The following CASK variants were observed in gnomAD, a reference collection of about 807,000 sequenced individuals.
CASK encodes calcium/calmodulin dependent serine protein kinase, also known as peripheral plasma membrane protein CASK.
A neutral mutation model predicts 82.9 loss-of-function variants in CASK; 4 were observed. The ratio of observed to expected loss-of-function variants is 0.05; its 90% confidence interval spans 0.02 to 0.11. The LOEUF is 0.11. Among genes scored for constraint, CASK ranks in the 10% least tolerant of loss-of-function variants. The probability of loss-of-function intolerance (pLI) is 1.00; values close to 1 mark genes in which losing one functional copy is unlikely to be tolerated. For synonymous variants in CASK, 259 were observed against 253.5 expected (o/e 1.02, Z -0.20); for missense variants, 358 against 720.9 (o/e 0.50, Z 5.76).
At chrX:41,905,662 G>A (rs2072458516) in intron 1 of CASK, among the ~76,000 whole-genome samples, 2 of 112,953 alleles carry the variant, frequency 1.8e-5, no homozygotes, top group South Asian at 7.1e-4. Context: ...GCCTAAGGCT[G>A]GGTGGGACTA....
At chrX:41,565,639 C>T (rs1203008624) in intron 16 of CASK, among the ~76,000 whole-genome samples, 2 of 111,474 alleles carry the variant, frequency 1.8e-5, no homozygotes, top group African/African-American at 3.3e-5. Context: ...GGATTCACAG[C>T]CGAATTCTAC....
intron 1 of CASK, among the ~76,000 whole-genome samples, chrX:41,891,489 A>T (rs1011521918): frequency 8.9e-6 from 1 of 112,102 alleles, no homozygotes; most frequent in African/African-American, 3.2e-5. Flanking sequence ...GTTTCGAATC[A>T]ATTAGACTTA....
intron 5 of CASK, among the ~76,000 whole-genome samples, chrX:41,701,379 C>T (rs2067790247): frequency 1.8e-5 from 2 of 112,221 alleles, no homozygotes; most frequent in East Asian, 5.6e-4. Flanking sequence ...AAGTACAAAG[C>T]AGGAAAAATA....
chrX:41,806,100 C>T (rs2070118938), intron 2 of CASK, among the ~76,000 whole-genome samples: 1 of 111,320 alleles, frequency 9.0e-6, no homozygotes, highest in Non-Finnish European at 1.9e-5. Context: ...AGAACAGGAA[C>T]CTGTTATAAT....
intron 3 of CASK, among the ~76,000 whole-genome samples, chrX:41,771,862 C>T (rs1393993794): frequency 1.8e-5 from 2 of 110,457 alleles, no homozygotes; most frequent in Non-Finnish European, 3.8e-5. Context: ...ACTAAATGAT[C>T]CAAGTAAAAG....
At chrX:41,580,287 C>T (rs1386965334) in intron 14 of CASK, among the ~76,000 whole-genome samples, 1 of 111,684 alleles carries the variant, frequency 9.0e-6, no homozygotes, top group Non-Finnish European at 1.9e-5. Context: ...CTCAAGTGAA[C>T]CTTCTACCTC....
At chrX:41,853,408 A>G (rs1230939830) in intron 1 of CASK, among the ~76,000 whole-genome samples, 181 bp from the exon 2 acceptor site, 1 of 111,979 alleles carries the variant, frequency 8.9e-6, no homozygotes, top group African/African-American at 3.2e-5. Context: ...ATATTTTTCT[A>G]TAATTCATGA....
rs772175571 is a variant in CASK, at chrX:41,923,033, G to A, written c.-45C>T. The A allele has an allele frequency of 5.3e-6, 6 of 1,134,050 alleles. No individual in the cohort carries two copies. In the Admixed American group the frequency reaches 1.1e-4, roughly 21 times the overall value. 93.5% of individuals were successfully genotyped at this position (1,134,050 alleles called of 1,213,427 possible). On this transcript the variant is annotated 5_prime_UTR_variant, in exon 1 of 27. Transcript: ENST00000378163. ...CCGCAGCGTGGAGGGCTTCGAAAACGGGGGTGGGGGCGCCCAAGAGCTCAG... is the reference window on the plus strand; with the variant it reads ...CCGCAGCGTGGAGGGCTTCGAAAACAGGGGTGGGGGCGCCCAAGAGCTCAG...
chrX:41,662,620 G>A (rs1191528428), intron 7 of CASK, among the ~76,000 whole-genome samples: 4 of 109,375 alleles, frequency 3.7e-5, no homozygotes, highest in East Asian at 2.9e-4. Context: ...TGAAACCCCC[G>A]TCTCTACTAA....
In CASK at chrX:41,694,357, A is replaced by T. The variant is rs142819958; in HGVS notation, c.430-22827T>A. Among the ~76,000 whole-genome samples, 136 of 111,746 alleles carry T rather than the reference A, an allele frequency of 1.2e-3. 2 individuals carry two copies. The highest frequency in any genetic ancestry group is 4.3e-3 in the African/African-American group (133 of 30,752). ...ACCCTGCTAAGTGGCTGCTGTAGAG[A>T]AATAGGGCAGTCACTCTATGAGAGG... On this transcript the variant is annotated intron_variant, in intron 5 of 26. Coordinates refer to ENST00000378163, the MANE Select transcript of CASK (RefSeq NM_001367721.1).
intron 1 of CASK, among the ~76,000 whole-genome samples, chrX:41,861,137 CTATAA>C (rs1347441211): frequency 8.9e-6 from 1 of 111,974 alleles, no homozygotes; most frequent in African/African-American, 3.2e-5. Flanking sequence ...CTGAGTCTAA[CTATAA>C]TACACTCATC....
At chrX:41,780,408 G>A (rs1009802927) in intron 3 of CASK, among the ~76,000 whole-genome samples, 2 of 111,478 alleles carry the variant, frequency 1.8e-5, no homozygotes, top group Admixed American at 9.6e-5. Flanking sequence ...CCATTTTAAA[G>A]GTCAATCATC....
chrX:41,532,641 G>T (rs1182508800), intron 24 of CASK, among the ~76,000 whole-genome samples: 1 of 108,132 alleles, frequency 9.2e-6, no homozygotes, highest in African/African-American at 3.4e-5. Context: ...CTTTGAGAAA[G>T]AACAAATTTA....
intron 5 of CASK, among the ~76,000 whole-genome samples, chrX:41,722,899 G>GT (rs1444440710): frequency 8.9e-6 from 1 of 111,808 alleles, no homozygotes; most frequent in African/African-American, 3.2e-5. Context: ...AATTAAAACT[G>GT]TTTTTTGTTC....
chrX:41,626,206 CCA>C (rs992831746), intron 10 of CASK, among the ~76,000 whole-genome samples: 1 of 110,054 alleles, frequency 9.1e-6, no homozygotes, highest in Non-Finnish European at 1.9e-5. Flanking sequence ...GCAGTGCTGC[CCA>C]CAGTCTGATC....
chrX:41,840,965 T>G (rs1187351282), intron 2 of CASK, among the ~76,000 whole-genome samples: 1 of 112,285 alleles, frequency 8.9e-6, no homozygotes, highest in African/African-American at 3.2e-5. Flanking sequence ...ATTTGGTTTG[T>G]TTCCACATTT....
intron 8 of CASK, among the ~76,000 whole-genome samples, chrX:41,656,237 A>G (rs1040229280): frequency 6.2e-5 from 7 of 112,054 alleles, no homozygotes; most frequent in Non-Finnish European, 1.3e-4. Context: ...TCTGTCTGCC[A>G]GCAAAAGAGA....
At chrX:41,830,621 C>G (rs1330395821) in intron 2 of CASK, among the ~76,000 whole-genome samples, 1 of 107,550 alleles carries the variant, frequency 9.3e-6, no homozygotes, top group African/African-American at 3.4e-5. Context: ...TAGATCGAGA[C>G]CATCCTGGCT....
chrX:41,671,549 GAACA>G lies in CASK; in HGVS notation c.430-23_430-20del, dbSNP rs200962618. The G allele has an allele frequency of 1.5e-3, 1,588 of 1,061,344 alleles. 17 individuals carry two copies. In the African/African-American group the frequency reaches 0.027, roughly 18 times the overall value. 87.5% of individuals were successfully genotyped at this position (1,061,344 alleles called of 1,213,427 possible). On this transcript the variant is annotated intron_variant, in intron 5 of 26. Coordinates refer to ENST00000378163, the MANE Select transcript of CASK (RefSeq NM_001367721.1). Reference sequence around the variant, plus strand: ...AGTGGGGCTGAAAAGAAAAACAGACGAACAAACAAACAAAAAACAAACCCGAAGA... The same window carrying G: ...AGTGGGGCTGAAAAGAAAAACAGACGAACAAACAAAAAACAAACCCGAAGA...
Sources: gnomAD v4.1 joint callset for allele counts (sites outside exome capture counted in the v4.1 genomes callset) on GRCh38, gnomAD v4.1.1 for gene constraint, MANE v1.5 for transcripts, NCBI Gene and HGNC (gene_info 2026-07-23, HGNC 2026-07-21) for gene names.